Variants in CNTNAP2 observed in about 807,000 individuals in gnomAD.
The protein encoded by CNTNAP2 is contactin-associated protein-like 2.
CNTNAP2 carries 98 observed loss-of-function variants against 155.2 expected under a neutral mutation model. The observed-to-expected ratio is 0.63, with a 90% CI of 0.54 to 0.75. CNTNAP2 has a LOEUF of 0.75. CNTNAP2 is among the 30% of genes least tolerant of loss of function. CNTNAP2 has a pLI of 0.00. For missense variants in CNTNAP2, 1,727 were observed against 1,688.1 expected (o/e 1.02, Z -0.40); for synonymous variants, 651 against 631.2 (o/e 1.03, Z -0.47).
chr7:147,091,234 A>G (rs1034270273), intron 4 of CNTNAP2, among the ~76,000 whole-genome samples: 1 of 152,070 alleles, frequency 6.6e-6, no homozygotes, highest in African/African-American at 2.4e-5. Context: ...CTAGATCCTG[A>G]TCTCTGGGCT....
At chr7:147,863,220 G>T (rs1407060945) in intron 13 of CNTNAP2, among the ~76,000 whole-genome samples, 1 of 152,048 alleles carries the variant, frequency 6.6e-6, no homozygotes. Context: ...TGAGAATGAT[G>T]GTTTCCAGCT....
chr7:146,857,372 A>T (rs908965161), intron 3 of CNTNAP2, among the ~76,000 whole-genome samples: 1 of 152,200 alleles, frequency 6.6e-6, no homozygotes, highest in African/African-American at 2.4e-5. Flanking sequence ...CAGATTTAAT[A>T]TTTCCCTGAA....
At chr7:146,388,486 C>T (rs1482740704) in intron 1 of CNTNAP2, among the ~76,000 whole-genome samples, 3 of 151,862 alleles carry the variant, frequency 2.0e-5, no homozygotes, top group Non-Finnish European at 4.4e-5. Context: ...TTATGGGGTA[C>T]ATGAGATATT....
Position 146,683,115 on chromosome 7 carries a change from C to T in CNTNAP2, c.98-91156C>T, listed in dbSNP as rs572386914. On this transcript the variant is annotated intron_variant, in intron 1 of 23. Coordinates refer to ENST00000361727, the MANE Select transcript of CNTNAP2 (RefSeq NM_014141.6). ...GTGGCAGGATCTCAGCTCACTGCAA[C>T]CCCCGCCTCCCAGGTTCAAATGATT... 3.5e-4 allele frequency among the ~76,000 whole-genome samples: 53 copies of T among 152,290 alleles called. 1 individual carries two copies. The South Asian group carries it at 0.011, about 31-fold the overall frequency.
At chr7:146,596,636 AG>A (rs1798865575) in intron 1 of CNTNAP2, among the ~76,000 whole-genome samples, 1 of 145,894 alleles carries the variant, frequency 6.9e-6, no homozygotes, top group East Asian at 2.1e-4. Context: ...AGAGAGAGAG[AG>A]AGAAATTGTT....
intron 17 of CNTNAP2, among the ~76,000 whole-genome samples, chr7:148,152,089 C>A (rs1805307118): frequency 6.6e-6 from 1 of 152,178 alleles, no homozygotes; most frequent in South Asian, 2.1e-4. Flanking sequence ...CTTCCACCCA[C>A]TAACCTGTGT....
At chr7:148,005,427 G>A (rs779321916) in intron 15 of CNTNAP2, among the ~76,000 whole-genome samples, 3 of 152,098 alleles carry the variant, frequency 2.0e-5, no homozygotes, top group Non-Finnish European at 2.9e-5. Flanking sequence ...AAGATAAGGG[G>A]TGCTGTGCAG....
chr7:146,748,822 T>G (rs1801856190), intron 1 of CNTNAP2, among the ~76,000 whole-genome samples: 1 of 152,218 alleles, frequency 6.6e-6, no homozygotes, highest in African/African-American at 2.4e-5. Flanking sequence ...ACTAAATGAC[T>G]TCTAAGATAC....
At chr7:147,280,864 G>A (rs1245231863) in intron 8 of CNTNAP2, among the ~76,000 whole-genome samples, 1 of 151,794 alleles carries the variant, frequency 6.6e-6, no homozygotes, top group African/African-American at 2.4e-5. Context: ...TTAATAACCT[G>A]TGCTAAACCC....
intron 14 of CNTNAP2, among the ~76,000 whole-genome samples, chr7:147,926,365 G>C (rs2116790862): frequency 6.6e-6 from 1 of 152,252 alleles, no homozygotes; most frequent in South Asian, 2.1e-4. Flanking sequence ...TATAATAGAA[G>C]TATGATGAAA....
chr7:147,621,756 A>G (rs1469976402), intron 12 of CNTNAP2, among the ~76,000 whole-genome samples: 2 of 152,044 alleles, frequency 1.3e-5, no homozygotes, highest in Non-Finnish European at 1.5e-5. Flanking sequence ...AAATAACAAC[A>G]TGGCAAGAGT....
intron 2 of CNTNAP2, among the ~76,000 whole-genome samples, chr7:146,788,895 A>C (rs1281522052): frequency 6.6e-6 from 1 of 152,026 alleles, no homozygotes; most frequent in African/African-American, 2.4e-5. Flanking sequence ...GAAGTATTGT[A>C]TTGTAGACTT....
intron 1 of CNTNAP2, among the ~76,000 whole-genome samples, chr7:146,239,287 C>G (rs1471523407): frequency 1.3e-5 from 2 of 152,070 alleles, no homozygotes; most frequent in African/African-American, 4.8e-5. Flanking sequence ...CCTTGGTGAT[C>G]TATTTTCAAG....
chr7:147,116,296 G>A (rs1800987917), intron 5 of CNTNAP2, among the ~76,000 whole-genome samples: 1 of 152,176 alleles, frequency 6.6e-6, no homozygotes, highest in South Asian at 2.1e-4. Flanking sequence ...CAGTCAGGAG[G>A]AATGAGGTCA....
intron 11 of CNTNAP2, among the ~76,000 whole-genome samples, chr7:147,560,360 G>T (rs1181143497): frequency 6.6e-6 from 1 of 151,972 alleles, no homozygotes; most frequent in Non-Finnish European, 1.5e-5. Flanking sequence ...TTCTGTATAA[G>T]TTGATATAAA....
chr7:146,832,069 C>T (rs537792332), intron 2 of CNTNAP2, among the ~76,000 whole-genome samples: 14 of 152,290 alleles, frequency 9.2e-5, no homozygotes, highest in Non-Finnish European at 1.8e-4. Flanking sequence ...AATATCTGCA[C>T]TTGGTTGAAG....
At chr7:146,295,978 G>C (rs1388138180) in intron 1 of CNTNAP2, among the ~76,000 whole-genome samples, 15 of 152,004 alleles carry the variant, frequency 9.9e-5, no homozygotes, top group Non-Finnish European at 2.2e-4. Flanking sequence ...AAGTATTCTG[G>C]ACAGAAACAT....
chr7:146,259,009 GT>G (rs1226963643), intron 1 of CNTNAP2, among the ~76,000 whole-genome samples: 2 of 152,092 alleles, frequency 1.3e-5, no homozygotes, highest in Non-Finnish European at 2.9e-5. Flanking sequence ...CTTGGAGGTG[GT>G]TTCCCCCATG....
chr7:146,345,784 C>G (rs1376784660), intron 1 of CNTNAP2, among the ~76,000 whole-genome samples: 1 of 152,036 alleles, frequency 6.6e-6, no homozygotes, highest in East Asian at 1.9e-4. Context: ...TAGACACTAA[C>G]AAAATGTAAA....
Sources: gnomAD v4.1 joint callset for allele counts (sites outside exome capture counted in the v4.1 genomes callset) on GRCh38, gnomAD v4.1.1 for gene constraint, MANE v1.5 for transcripts, NCBI Gene and HGNC (gene_info 2026-07-23, HGNC 2026-07-21) for gene names.